OR14A16: variants seen among roughly 807,000 people sequenced by gnomAD.
OR14A16 encodes the protein olfactory receptor 14A16.
For missense variants in OR14A16, 341 were observed against 366.5 expected (o/e 0.93, Z 0.57); for synonymous variants, 135 against 137.6 (o/e 0.98, Z 0.13).
chr1:247,818,798 C>A (rs937761794), intron 2 of OR14A16, among the ~76,000 whole-genome samples: 1 of 152,014 alleles, frequency 6.6e-6, no homozygotes, highest in African/African-American at 2.4e-5. Context: ...ATTTGATACA[C>A]AACGAGGTGA....
At chr1:247,817,606 C>A (rs546664407) in intron 2 of OR14A16, among the ~76,000 whole-genome samples, 3 of 152,218 alleles carry the variant, frequency 2.0e-5, no homozygotes, top group African/African-American at 7.2e-5. Context: ...AAAATTGACT[C>A]AAAGACAGTG....
intron 2 of OR14A16, among the ~76,000 whole-genome samples, chr1:247,816,722 C>G (rs1223434480): frequency 6.6e-6 from 1 of 152,216 alleles, no homozygotes; most frequent in African/African-American, 2.4e-5. Flanking sequence ...GAGCGAGGCT[C>G]TGTCTCAAAA....
chr1:247,823,215 C>T (rs1662772704), intron 1 of OR14A16, among the ~76,000 whole-genome samples: 1 of 152,166 alleles, frequency 6.6e-6, no homozygotes, highest in Non-Finnish European at 1.5e-5. Context: ...AAGCCAGGCA[C>T]ACAGTGGCTC....
At chr1:247,823,348 T>C (rs2103288451) in intron 1 of OR14A16, among the ~76,000 whole-genome samples, 1 of 152,146 alleles carries the variant, frequency 6.6e-6, no homozygotes, top group African/African-American at 2.4e-5. Flanking sequence ...AATAAAAACA[T>C]TATCTGGTTA....
chr1:247,820,755 G>T (rs1662721009), intron 1 of OR14A16, among the ~76,000 whole-genome samples: 1 of 151,948 alleles, frequency 6.6e-6, no homozygotes, highest in Non-Finnish European at 1.5e-5. Flanking sequence ...AGCTACTGGG[G>T]AGGCTGAGGC....
chr1:247,823,998 T>C lies in OR14A16; in HGVS notation c.-176A>G, dbSNP rs1662793854. Reference sequence around the variant, plus strand: ...CACTGTCTGGGGTAAATATCCAGGATTCACTGTCTCCCACAAAGAAGATTT... The same window carrying C: ...CACTGTCTGGGGTAAATATCCAGGACTCACTGTCTCCCACAAAGAAGATTT... On this transcript the variant is annotated 5_prime_UTR_variant, in exon 1 of 3. Transcript: ENST00000641093. 6.6e-6 allele frequency: 1 copy of C among 152,116 alleles called. No homozygotes were observed. The highest frequency in any genetic ancestry group is 6.5e-5 in the Admixed American group (1 of 15,274). 9.4% of individuals were successfully genotyped at this position (152,116 alleles called of 1,614,324 possible).
At chr1:247,816,315 C>T (rs2103282130) in intron 2 of OR14A16, among the ~76,000 whole-genome samples, 1 of 152,336 alleles carries the variant, frequency 6.6e-6, no homozygotes, top group South Asian at 2.1e-4. Context: ...GGTATTCTCA[C>T]ATTTGAAATT....
At chr1:247,821,441 G>A (rs1662739089) in intron 1 of OR14A16, among the ~76,000 whole-genome samples, 1 of 152,118 alleles carries the variant, frequency 6.6e-6, no homozygotes, top group South Asian at 2.1e-4. Context: ...TTGGTATGCT[G>A]ATGTTACATT....
Position 247,815,466 on chromosome 1 carries a change from G to A in OR14A16, c.264C>T (p.Asn88=), listed in dbSNP as rs61740923. The part of the protein sequence containing the change: ...KSIANSLIHN[N]SISFLGCVSQ... The stretch of plus-strand genomic sequence containing the variant: ...AAACACAGCCAAGGAATGAAATGGA[G>A]TTGTTGTGTATCAAAGAATTGGCGA... Residue 88 remains asparagine (N), a synonymous_variant, in exon 3 of 3, where the codon AAC becomes AAT. Coordinates refer to ENST00000641093, the MANE Select transcript of OR14A16 (RefSeq NM_001001966.2). The A allele has an allele frequency of 3.8e-3, 6,122 of 1,614,004 alleles. 86 individuals carry two copies. In the African/African-American group the frequency reaches 0.041, roughly 11 times the overall value.
rs909489521 is a variant in OR14A16, at chr1:247,814,749, T to C, written c.*51A>G. The C allele has an allele frequency of 5.6e-6, 5 of 898,346 alleles. No individual in the cohort carries two copies. In the African/African-American group the frequency reaches 6.7e-5, roughly 12 times the overall value. The allele number at this position is 898,346 out of a possible 1,614,324, so 55.6% of individuals were successfully genotyped here. The stretch of plus-strand genomic sequence containing the variant: ...TAGAGATAAAAATGAAGAATTAATG[T>C]GTGTACATTATAAATGGTATCTATT... On this transcript the variant is annotated 3_prime_UTR_variant, in exon 3 of 3. Coordinates refer to ENST00000641093, the MANE Select transcript of OR14A16 (RefSeq NM_001001966.2).
chr1:247,817,703 ATT>A (rs5782443), intron 2 of OR14A16, among the ~76,000 whole-genome samples: 6 of 151,300 alleles, frequency 4.0e-5, no homozygotes, highest in South Asian at 4.2e-4. Flanking sequence ...AGTACTTCAC[ATT>A]TTTTTTTTAA....
At chr1:247,816,116 A>G (rs757934394) in intron 2 of OR14A16, among the ~76,000 whole-genome samples, 27 of 152,208 alleles carry the variant, frequency 1.8e-4, no homozygotes, top group Non-Finnish European at 2.4e-4. Context: ...ACCAATGGCT[A>G]CTACATTGTA....
At position 247,823,968 on chromosome 1, in the gene OR14A16, G is replaced by C. The variant is rs1417096651; in HGVS notation, c.-146C>G. On this transcript the variant is annotated 5_prime_UTR_variant, in exon 1 of 3. Coordinates refer to ENST00000641093, the MANE Select transcript of OR14A16 (RefSeq NM_001001966.2). ...CCAACAATACCTTTACAATTGAAGT[G>C]GTGTCACTGTCTGGGGTAAATATCC... 6.6e-6 allele frequency: 1 copy of C among 152,162 alleles called. No individual in the cohort carries two copies. Among genetic ancestry groups the C allele is most frequent in the Non-Finnish European group, 1.5e-5 (1 of 68,048 alleles). The allele number at this position is 152,162 out of a possible 1,614,324, so 9.4% of individuals were successfully genotyped here. A position where few individuals can be genotyped will look rare whatever the true frequency, so the allele number is the denominator to read the frequency against.
Position 247,814,776 on chromosome 1 carries a change from T to C in OR14A16, c.*24A>G, listed in dbSNP as rs368802996. 4.1e-4 allele frequency: 564 copies of C among 1,373,618 alleles called. 3 individuals are homozygous for C. The highest frequency in any genetic ancestry group is 5.0e-4 in the Non-Finnish European group (509 of 1,007,934). The allele number at this position is 1,373,618 out of a possible 1,614,324, so 85.1% of individuals were successfully genotyped here. A position where few individuals can be genotyped will look rare whatever the true frequency, so the allele number is the denominator to read the frequency against. On this transcript the variant is annotated 3_prime_UTR_variant, in exon 3 of 3. Transcript: ENST00000641093. ...TGTACATTATAAATGGTATCTATTA[T>C]TGAAAGAAGAAAAGCAACAGCTTTT...
rs35415698 is a variant in OR14A16, at chr1:247,820,860, C to CAA, written c.-130-1685_-130-1684dup. 7.7e-3 allele frequency among the ~76,000 whole-genome samples: 936 copies of CAA among 120,814 alleles called. 6 individuals carry two copies. Among genetic ancestry groups the CAA allele is most frequent in the African/African-American group, 0.023 (806 of 34,620 alleles). 79.3% of individuals were successfully genotyped at this position (120,814 alleles called of 152,430 possible). A position where few individuals can be genotyped will look rare whatever the true frequency, so the allele number is the denominator to read the frequency against. On this transcript the variant is annotated intron_variant, in intron 1 of 2. Transcript: ENST00000641093. ...AAGCAACAAGAGTAAAGCACCGTCT[C>CAA]AAAAAAAAAAAAAAAAATCTTTATT...
chr1:247,823,484 G>C (rs1662781059), intron 1 of OR14A16, among the ~76,000 whole-genome samples: 1 of 152,122 alleles, frequency 6.6e-6, no homozygotes, highest in Admixed American at 6.5e-5. Flanking sequence ...CTGGGTGACA[G>C]AGCAAGACCC....
rs1056981019 is a variant in OR14A16 at position 247,815,484 on chromosome 1, A to T, written c.246T>A (p.Asn82Lys). The T allele has an allele frequency of 1.5e-5, 25 of 1,614,004 alleles. No homozygotes were observed. Among genetic ancestry groups the T allele is most frequent in the African/African-American group, 4.0e-5 (3 of 74,932 alleles). The change falls in exon 3 of 3, where the codon AAT becomes AAA. Residue 82 changes from asparagine to lysine, a missense_variant. Asn to Lys is a moderately conservative substitution (Grantham distance 94). Transcript: ENST00000641093. ...ISVTAPKSIA[N>K]SLIHNNSISF... ...AAATGGAGTTGTTGTGTATCAAAGA[A>T]TTGGCGATAGATTTGGGAGCCGTGA...
At chr1:247,819,403 A>G (rs555542857) in intron 1 of OR14A16, among the ~76,000 whole-genome samples, 3,974 of 152,242 alleles carry the variant, frequency 0.026, 177 homozygotes, top group African/African-American at 0.09. Flanking sequence ...AGATTTAAAA[A>G]AAAAAGACTA....
intron 1 of OR14A16, among the ~76,000 whole-genome samples, chr1:247,821,237 G>A (rs1662733632): frequency 6.6e-6 from 1 of 152,188 alleles, no homozygotes; most frequent in African/African-American, 2.4e-5. Context: ...ATCTTCTGCT[G>A]CTATTGGATG....
Sources: gnomAD v4.1 joint callset for allele counts (sites outside exome capture counted in the v4.1 genomes callset) on GRCh38, gnomAD v4.1.1 for gene constraint, MANE v1.5 for transcripts, NCBI Gene and HGNC (gene_info 2026-07-23, HGNC 2026-07-21) for gene names.